GATAD2A: variants seen among roughly 807,000 people sequenced by gnomAD.
GATAD2A encodes the protein GATA zinc finger domain containing 2A.
In GATAD2A, 12 loss-of-function variants were observed where a neutral mutation model predicts 68.5. The ratio of observed to expected loss-of-function variants is 0.18; its 90% CI spans 0.11 to 0.28. The LOEUF is 0.28. Among genes scored for constraint, GATAD2A ranks in the 10% least tolerant of loss-of-function variants. The pLI, the probability that GATAD2A is intolerant of heterozygous loss-of-function variation, is 1.00. For synonymous variants in GATAD2A, 410 were observed against 375.3 expected (o/e 1.09, Z -1.07); for missense variants, 755 against 868.5 (o/e 0.87, Z 1.64).
intron 1 of GATAD2A, among the ~76,000 whole-genome samples, chr19:19,422,441 C>T (rs1184341090): frequency 6.6e-6 from 1 of 152,178 alleles, no homozygotes; most frequent in African/African-American, 2.4e-5. Flanking sequence ...CAGAGCCCCA[C>T]GTCCACCTGG....
In GATAD2A at chr19:19,469,090, T is replaced by A. The variant is rs1298990699; in HGVS notation, c.269+3476T>A. On this transcript the variant is annotated intron_variant, in intron 2 of 11. Transcript: ENST00000683918. Reference sequence around the variant, plus strand: ...TAGATTGTGATTAAGATGCTTACTGTAATGCCTAGAGCAGCTCTGAACAAA... The same window carrying A: ...TAGATTGTGATTAAGATGCTTACTGAAATGCCTAGAGCAGCTCTGAACAAA... 3.9e-5 allele frequency among the ~76,000 whole-genome samples: 6 copies of A among 152,226 alleles called. 1 individual carries two copies. Among genetic ancestry groups the A allele is most frequent in the Non-Finnish European group, 8.8e-5 (6 of 68,034 alleles).
At chr19:19,469,064 A>G (rs1466082306) in intron 2 of GATAD2A, among the ~76,000 whole-genome samples, 1 of 152,234 alleles carries the variant, frequency 6.6e-6, no homozygotes, top group Non-Finnish European at 1.5e-5. Flanking sequence ...TCAGTCTTAT[A>G]TAGATTGTGA....
chr19:19,480,132 A>C (rs1568323189), intron 2 of GATAD2A, among the ~76,000 whole-genome samples: 1 of 151,964 alleles, frequency 6.6e-6, no homozygotes, highest in Non-Finnish European at 1.5e-5. Flanking sequence ...AGGAATGGGG[A>C]CTCATGCTCA....
At chr19:19,475,711 C>T (rs1219291773) in intron 2 of GATAD2A, among the ~76,000 whole-genome samples, 1 of 152,136 alleles carries the variant, frequency 6.6e-6, no homozygotes, top group Non-Finnish European at 1.5e-5. Context: ...TGCTCCCTTC[C>T]CTGCCTTAGC....
At chr19:19,408,051 C>G (rs1017056956) in intron 1 of GATAD2A, among the ~76,000 whole-genome samples, 2 of 152,220 alleles carry the variant, frequency 1.3e-5, no homozygotes, top group Admixed American at 6.5e-5. Flanking sequence ...GTCATCCAGT[C>G]TGGAGTGGCA....
intron 1 of GATAD2A, among the ~76,000 whole-genome samples, chr19:19,406,516 C>G (rs1529745): frequency 0.16 from 24,933 of 151,972 alleles, 2,181 homozygotes; most frequent in Middle Eastern, 0.29. Context: ...CGCGCCCACG[C>G]CTGGAGGGCC....
Position 19,465,545 on chromosome 19 carries a change from C to CGGCCAT in GATAD2A, c.209_214dup (p.Ala70_Met71dup), listed in dbSNP as rs762774081. The CGGCCAT allele has an allele frequency of 2.4e-5, 39 of 1,612,474 alleles. No homozygotes were observed. In the South Asian group the frequency reaches 3.4e-4, roughly 14 times the overall value. On this transcript the variant is annotated inframe_insertion, in exon 2 of 12. Coordinates refer to ENST00000683918, the MANE Select transcript of GATAD2A (RefSeq NM_001384528.1). Reference sequence around the variant, plus strand: ...GGATTGCTGAGGGCAACAGAGGCCACGGCCATGGCCATGGGCAGAGGCGAA... The same window carrying CGGCCAT: ...GGATTGCTGAGGGCAACAGAGGCCACGGCCATGGCCATGGCCATGGGCAGAGGCGAA...
chr19:19,442,289 G>A (rs1465566556), intron 1 of GATAD2A, among the ~76,000 whole-genome samples: 1 of 152,150 alleles, frequency 6.6e-6, no homozygotes, highest in Non-Finnish European at 1.5e-5. Context: ...TGGGGCAAGC[G>A]AGAGTGAACA....
In GATAD2A at chr19:19,412,988, G is replaced by A. The variant is rs75444020; in HGVS notation, c.-7+6969G>A. Among the ~76,000 whole-genome samples, 1,204 of 152,244 alleles carry A rather than the reference G, an allele frequency of 7.9e-3. 18 individuals carry two copies. The highest frequency in any genetic ancestry group is 0.026 in the African/African-American group (1,090 of 41,532). On this transcript the variant is annotated intron_variant, in intron 1 of 11. Transcript: ENST00000683918. ...TTTCTCCTGAACACAGATCCCTTTC[G>A]TACCATGGTAAAGTTGAGAAATTTT...
chr19:19,407,645 G>A (rs866336583), intron 1 of GATAD2A, among the ~76,000 whole-genome samples: 2 of 152,316 alleles, frequency 1.3e-5, no homozygotes, highest in Middle Eastern at 6.8e-3. Context: ...ACCTCTGTTT[G>A]CGGATGTAGG....
intron 1 of GATAD2A, among the ~76,000 whole-genome samples, chr19:19,442,218 A>G (rs1255734399): frequency 6.6e-6 from 1 of 152,184 alleles, no homozygotes; most frequent in Non-Finnish European, 1.5e-5. Context: ...GGAACATGGT[A>G]ATTGTGTAAG....
chr19:19,489,779 C>G (rs773203577), intron 2 of GATAD2A, among the ~76,000 whole-genome samples: 11 of 152,238 alleles, frequency 7.2e-5, no homozygotes, highest in Admixed American at 3.3e-4. Flanking sequence ...TCAGCTCATG[C>G]TAGCCCAGGA....
chr19:19,408,506 T>C (rs759196996), intron 1 of GATAD2A, among the ~76,000 whole-genome samples: 3 of 152,102 alleles, frequency 2.0e-5, no homozygotes, highest in Non-Finnish European at 4.4e-5. Context: ...TTTAGAAAAC[T>C]TTTTAGTGTC....
At chr19:19,403,639 G>C (rs2049954528), upstream of GATAD2A, among the ~76,000 whole-genome samples, 1 of 152,022 alleles carries the variant, frequency 6.6e-6, no homozygotes, top group Non-Finnish European at 1.5e-5. Context: ...CTGTATATCT[G>C]TCTCAAGTGT....
At chr19:19,424,369 A>G (rs1323580002) in intron 1 of GATAD2A, among the ~76,000 whole-genome samples, 1 of 152,138 alleles carries the variant, frequency 6.6e-6, no homozygotes, top group African/African-American at 2.4e-5. Flanking sequence ...AGCTGTGACC[A>G]TAGGCATGAG....
intron 1 of GATAD2A, among the ~76,000 whole-genome samples, chr19:19,437,541 A>G (rs914856135): frequency 1.3e-5 from 2 of 152,146 alleles, no homozygotes; most frequent in Non-Finnish European, 2.9e-5. Context: ...ATTCCAGAAC[A>G]TTTTCATTAT....
In GATAD2A at chr19:19,505,852, G is replaced by C. The variant is rs542158531; in HGVS notation, c.*378G>C. The C allele has an allele frequency of 9.9e-6, 4 of 405,030 alleles. No homozygotes were observed. Among genetic ancestry groups the C allele is most frequent in the African/African-American group, 2.1e-5 (1 of 48,662 alleles). 25.1% of individuals were successfully genotyped at this position (405,030 alleles called of 1,614,324 possible). A position where few individuals can be genotyped will look rare whatever the true frequency, so the allele number is the denominator to read the frequency against. On this transcript the variant is annotated 3_prime_UTR_variant, in exon 12 of 12. Coordinates refer to ENST00000683918, the MANE Select transcript of GATAD2A (RefSeq NM_001384528.1). ...CGGCTCACCCTGGACACTGTGATGC[G>C]CATGGGCAAGGCCAGCGCCCGGGGC...
At chr19:19,413,695 C>T (rs540710525) in intron 1 of GATAD2A, among the ~76,000 whole-genome samples, 1 of 152,256 alleles carries the variant, frequency 6.6e-6, no homozygotes, top group East Asian at 1.9e-4. Flanking sequence ...AGCGATTCTC[C>T]TGCCTCAGCC....
chr19:19,484,893 G>A (rs1485420139), intron 2 of GATAD2A, among the ~76,000 whole-genome samples: 2 of 152,208 alleles, frequency 1.3e-5, no homozygotes, highest in African/African-American at 4.8e-5. Flanking sequence ...GATGAAGCAT[G>A]AGGAATTGCT....
Sources: allele counts gnomAD v4.1 joint callset (sites outside exome capture counted in the v4.1 genomes callset), GRCh38; gene constraint gnomAD v4.1.1; transcripts MANE v1.5; gene names NCBI Gene and HGNC (gene_info 2026-07-23, HGNC 2026-07-21).